FAM227B: variants seen among roughly 807,000 people sequenced by gnomAD.
FAM227B encodes family with sequence similarity 227 member B.
FAM227B carries 88 observed loss-of-function variants against 73.8 expected under a neutral mutation model. That is an observed-to-expected ratio of 1.19 (90% CI 1.00 to 1.42). The LOEUF (loss-of-function observed/expected upper bound fraction) is 1.42, where lower values mean the gene tolerates loss of function less well. Ranked by LOEUF, FAM227B falls within the 40% of genes most tolerant of loss-of-function variation. The pLI is 0.00. For synonymous variants in FAM227B, 210 were observed against 190.5 expected (o/e 1.10, Z -0.84); for missense variants, 632 against 590.9 (o/e 1.07, Z -0.72).
At chr15:49,497,774 G>A (rs55904469) in intron 11 of FAM227B, among the ~76,000 whole-genome samples, 37,924 of 152,150 alleles carry the variant, frequency 0.25, 5,686 homozygotes, top group Non-Finnish European at 0.35. Flanking sequence ...CAAAAACAGC[G>A]GTGTGTGGTA....
intron 11 of FAM227B, chr15:49,424,646 G>A: frequency 7.7e-7 from 1 of 1,303,822 alleles, no homozygotes; most frequent in Non-Finnish European, 1.0e-6. Flanking sequence ...ATTTTCAGGT[G>A]ATATGTTTTC....
At chr15:49,538,237 C>T (rs2070545885) in intron 10 of FAM227B, among the ~76,000 whole-genome samples, 1 of 152,118 alleles carries the variant, frequency 6.6e-6, no homozygotes. Context: ...TTTTCATCTG[C>T]CTCTACCACC....
chr15:49,391,327 G>A (rs1184820166), intron 11 of FAM227B, among the ~76,000 whole-genome samples: 1 of 152,078 alleles, frequency 6.6e-6, no homozygotes, highest in African/African-American at 2.4e-5. Context: ...ATGAAAATAA[G>A]GGAAAAGGCT....
At chr15:49,358,726 G>A (rs1422137755) in intron 13 of FAM227B, among the ~76,000 whole-genome samples, 2 of 151,420 alleles carry the variant, frequency 1.3e-5, no homozygotes, top group Non-Finnish European at 3.0e-5. Flanking sequence ...TCACAGAATT[G>A]GAAAAAACTA....
intron 11 of FAM227B, among the ~76,000 whole-genome samples, chr15:49,380,819 C>T (rs544108988): frequency 2.6e-5 from 4 of 152,174 alleles, no homozygotes; most frequent in African/African-American, 9.6e-5. Flanking sequence ...TGTGACACAG[C>T]TGTGGTCAAT....
chr15:49,565,711 G>A (rs370730277), intron 9 of FAM227B, among the ~76,000 whole-genome samples: 1 of 152,194 alleles, frequency 6.6e-6, no homozygotes, highest in East Asian at 1.9e-4. Flanking sequence ...CAAGGCAAAA[G>A]CATATTGCAA....
At chr15:49,387,502 G>A (rs1439188173) in intron 11 of FAM227B, among the ~76,000 whole-genome samples, 2 of 151,452 alleles carry the variant, frequency 1.3e-5, no homozygotes, top group African/African-American at 2.4e-5. Context: ...ATCCATATAT[G>A]ACAAACCCAT....
At chr15:49,345,952 C>T (rs564737467) in intron 13 of FAM227B, among the ~76,000 whole-genome samples, 4 of 152,044 alleles carry the variant, frequency 2.6e-5, no homozygotes, top group Non-Finnish European at 5.9e-5. Flanking sequence ...GGGCAAATTT[C>T]GTACTTATCT....
At chr15:49,512,723 G>T (rs973262882) in intron 10 of FAM227B, among the ~76,000 whole-genome samples, 1 of 151,644 alleles carries the variant, frequency 6.6e-6, no homozygotes, top group Non-Finnish European at 1.5e-5. Context: ...TTAGCTATTT[G>T]TCCTGATACT....
chr15:49,433,266 C>A (rs2050776840), intron 11 of FAM227B, among the ~76,000 whole-genome samples: 1 of 151,536 alleles, frequency 6.6e-6, no homozygotes, highest in African/African-American at 2.4e-5. Context: ...TCTTATGATT[C>A]TTTCTGTTTG....
chr15:49,544,788 T>C (rs544359591), intron 9 of FAM227B, among the ~76,000 whole-genome samples: 5 of 152,228 alleles, frequency 3.3e-5, no homozygotes, highest in Non-Finnish European at 7.3e-5. Context: ...TTTGTTTTTG[T>C]GATGTATCAC....
chr15:49,507,798 T>G (rs1567435590), intron 11 of FAM227B, among the ~76,000 whole-genome samples: 1 of 152,002 alleles, frequency 6.6e-6, no homozygotes, highest in Non-Finnish European at 1.5e-5. Flanking sequence ...ATATGGAAAT[T>G]TAAAAATACT....
At chr15:49,545,346 T>C (rs1848286) in intron 9 of FAM227B, among the ~76,000 whole-genome samples, 106,952 of 152,098 alleles carry the variant, frequency 0.7, 37,930 homozygotes, top group East Asian at 0.92. Flanking sequence ...GTTGTAATGT[T>C]TCCCATTTTG....
rs142884608 is a variant in FAM227B at position 49,434,136 on chromosome 15, G to A, written c.1013-62737C>T. 2.6e-5 allele frequency among the ~76,000 whole-genome samples: 4 copies of A among 151,628 alleles called. No individual in the cohort carries two copies. In the South Asian group the frequency reaches 6.2e-4, roughly 24 times the overall value. On this transcript the variant is annotated intron_variant, in intron 11 of 15. Coordinates refer to ENST00000299338, the MANE Select transcript of FAM227B (RefSeq NM_152647.3). ...CTTCAGGAGTCTTTTGGTATCTTAC[G>A]GGGTCTCTAACTGTACTTCTGACCA...
chr15:49,457,655 A>G (rs2053431986), intron 11 of FAM227B, among the ~76,000 whole-genome samples: 1 of 151,982 alleles, frequency 6.6e-6, no homozygotes, highest in African/African-American at 2.4e-5. Flanking sequence ...TTAGAGCAGA[A>G]TCTTTGAAGT....
Position 49,576,786 on chromosome 15 carries a change from A to T in FAM227B, c.501T>A (p.Asp167Glu). The T allele has an allele frequency of 6.2e-7, 1 of 1,612,720 alleles. No individual in the cohort carries two copies. The highest frequency in any genetic ancestry group is 8.5e-7 in the Non-Finnish European group (1 of 1,178,968). ...AAATAAAAAGATAAATTTGTTCAGC[A>T]TCCAAATGTCTGGGTAGCTGAGTAA... The part of the protein sequence containing the change: ...NELTQLPRHL[D>E]AEQIYLFILK... Residue 167 changes from aspartate (D) to glutamate (E), a missense_variant, in exon 7 of 16, where the codon GAT (aspartate) becomes GAA (glutamate). Transcript: ENST00000299338.
intron 11 of FAM227B, among the ~76,000 whole-genome samples, chr15:49,460,834 AAAG>A (rs1174951595): frequency 1.3e-5 from 2 of 152,210 alleles, no homozygotes; most frequent in Non-Finnish European, 2.9e-5. Context: ...GGCAGATATC[AAAG>A]AAGAACATTG....
intron 13 of FAM227B, among the ~76,000 whole-genome samples, chr15:49,356,969 T>C (rs1239919612): frequency 1.3e-5 from 2 of 150,110 alleles, no homozygotes; most frequent in Non-Finnish European, 3.0e-5. Context: ...CTGAACAACC[T>C]GCTCCTGAAT....
chr15:49,571,197 T>A (rs1012708397), intron 8 of FAM227B, among the ~76,000 whole-genome samples: 2 of 151,812 alleles, frequency 1.3e-5, no homozygotes, highest in Non-Finnish European at 2.9e-5. Context: ...CCTTTTAAAA[T>A]CAGGTTGTTT....
Sources: allele counts gnomAD v4.1 joint callset (sites outside exome capture counted in the v4.1 genomes callset), GRCh38; gene constraint gnomAD v4.1.1; transcripts MANE v1.5; gene names NCBI Gene and HGNC (gene_info 2026-07-23, HGNC 2026-07-21).